The following RARB variants were observed in gnomAD, a reference collection of about 807,000 sequenced individuals.
The protein encoded by RARB is retinoic acid receptor beta, also known as HBV-activated protein.
RARB carries 17 observed loss-of-function variants against 51.9 expected under a neutral mutation model. The ratio of observed to expected loss-of-function variants is 0.33; its 90% CI spans 0.22 to 0.49. The LOEUF is 0.49. Ranked by LOEUF, RARB falls within the 20% of genes least tolerant of loss-of-function variation. RARB has a pLI of 0.99. For synonymous variants in RARB, 215 were observed against 195.4 expected (o/e 1.10, Z -0.84); for missense variants, 369 against 550.8 (o/e 0.67, Z 3.30).
intron 4 of RARB, among the ~76,000 whole-genome samples, chr3:25,134,545 T>C (rs993897376): frequency 3.9e-5 from 6 of 152,002 alleles, no homozygotes; most frequent in African/African-American, 1.4e-4. Context: ...TGGTACATAG[T>C]AATCATTCAA....
intron 3 of RARB, among the ~76,000 whole-genome samples, chr3:25,096,078 A>G (rs149701001): frequency 6.6e-6 from 1 of 152,258 alleles, no homozygotes; most frequent in Non-Finnish European, 1.5e-5. Flanking sequence ...ATTTTTTTCA[A>G]CATTATAATT....
intron 2 of RARB, among the ~76,000 whole-genome samples, chr3:24,899,860 C>A (rs779512981): frequency 3.3e-5 from 5 of 152,222 alleles, no homozygotes; most frequent in East Asian, 3.9e-4. Context: ...TATTTTGTTA[C>A]ATTTAACTTC....
At chr3:24,924,815 C>G (rs1358557187) in intron 2 of RARB, among the ~76,000 whole-genome samples, 2 of 152,150 alleles carry the variant, frequency 1.3e-5, no homozygotes, top group Non-Finnish European at 2.9e-5. Context: ...AGACAAGTAT[C>G]TTAACCTCTT....
chr3:25,049,041 C>T (rs946125820), intron 2 of RARB, among the ~76,000 whole-genome samples: 16 of 152,100 alleles, frequency 1.1e-4, no homozygotes, highest in South Asian at 8.3e-4. Context: ...CGTGAGCCAC[C>T]GCGCCCAGCT....
At chr3:25,366,338 GC>G (rs1292185025) in intron 5 of RARB, among the ~76,000 whole-genome samples, 4 of 152,214 alleles carry the variant, frequency 2.6e-5, no homozygotes, top group Non-Finnish European at 5.9e-5. Flanking sequence ...AGAATATGAT[GC>G]TTTGCCTTCT....
chr3:25,172,189 A>G (rs924916283), intron 4 of RARB, among the ~76,000 whole-genome samples: 3 of 152,208 alleles, frequency 2.0e-5, no homozygotes, highest in Non-Finnish European at 4.4e-5. Context: ...CCTGGGGCAG[A>G]TGTCATCTAA....
intron 2 of RARB, among the ~76,000 whole-genome samples, chr3:24,996,998 C>T (rs1359268227): frequency 6.6e-6 from 1 of 151,766 alleles, no homozygotes; most frequent in Non-Finnish European, 1.5e-5. Context: ...AGTTTAAATC[C>T]AATGTTTCTT....
At chr3:25,429,900 G>C (rs75800125) in intron 1 of RARB, among the ~76,000 whole-genome samples, 1,852 of 152,284 alleles carry the variant, frequency 0.012, 39 homozygotes, top group African/African-American at 0.042. Context: ...CAATTCATTG[G>C]AGCATTAGCC....
chr3:25,338,519 C>T (rs990102565), intron 5 of RARB, among the ~76,000 whole-genome samples: 5 of 152,140 alleles, frequency 3.3e-5, no homozygotes, highest in Admixed American at 2.6e-4. Flanking sequence ...TGGCTGGAAT[C>T]ATTTACACTC....
chr3:24,849,064 A>C (rs1328228233), intron 1 of RARB, among the ~76,000 whole-genome samples: 1 of 152,186 alleles, frequency 6.6e-6, no homozygotes, highest in Admixed American at 6.5e-5. Context: ...CAAGGCCCCC[A>C]GTGGATGCCT....
chr3:25,352,565 G>A (rs1294654211), intron 5 of RARB, among the ~76,000 whole-genome samples: 1 of 152,154 alleles, frequency 6.6e-6, no homozygotes, highest in Non-Finnish European at 1.5e-5. Context: ...GCCCCAATTT[G>A]TAAGAAACTT....
At chr3:24,846,631 C>T (rs1223539750) in intron 1 of RARB, among the ~76,000 whole-genome samples, 1 of 152,136 alleles carries the variant, frequency 6.6e-6, no homozygotes, top group Non-Finnish European at 1.5e-5. Flanking sequence ...CTGCCTAGTA[C>T]ACAGGCTGCT....
At chr3:24,880,065 C>T (rs905195354) in intron 2 of RARB, among the ~76,000 whole-genome samples, 1 of 152,032 alleles carries the variant, frequency 6.6e-6, no homozygotes, top group Non-Finnish European at 1.5e-5. Flanking sequence ...GTTTTTGATA[C>T]ATTTTTTCCT....
intron 3 of RARB, among the ~76,000 whole-genome samples, chr3:25,074,136 G>C (rs1049974662): frequency 2.0e-5 from 3 of 152,190 alleles, no homozygotes; most frequent in Admixed American, 6.5e-5. Flanking sequence ...TCAAATTAAA[G>C]TGTATGTTTT....
intron 4 of RARB, among the ~76,000 whole-genome samples, chr3:25,576,699 T>C (rs1700949815): frequency 6.6e-6 from 1 of 152,136 alleles, no homozygotes; most frequent in Non-Finnish European, 1.5e-5. Context: ...CTACCTGCCC[T>C]CTCCCATTGC....
At chr3:24,849,217 A>C (rs1702523877) in intron 1 of RARB, among the ~76,000 whole-genome samples, 1 of 152,248 alleles carries the variant, frequency 6.6e-6, no homozygotes, top group Non-Finnish European at 1.5e-5. Flanking sequence ...CTGTAAAAAA[A>C]AGTAAAGTAA....
intron 4 of RARB, among the ~76,000 whole-genome samples, chr3:25,573,647 C>T (rs1700802239): frequency 6.6e-6 from 1 of 152,218 alleles, no homozygotes; most frequent in African/African-American, 2.4e-5. Context: ...GCAGCCATAA[C>T]ACATTCTCTG....
intron 1 of RARB, among the ~76,000 whole-genome samples, chr3:24,836,780 G>A (rs1164683815): frequency 1.3e-5 from 2 of 152,218 alleles, no homozygotes; most frequent in Non-Finnish European, 2.9e-5. Context: ...CCGTTTTAAT[G>A]AAGATACTTT....
At chr3:24,989,191 G>C (rs1361502624) in intron 2 of RARB, among the ~76,000 whole-genome samples, 2 of 152,130 alleles carry the variant, frequency 1.3e-5, no homozygotes, top group African/African-American at 2.4e-5. Flanking sequence ...TATATACGTG[G>C]TACTACCATG....
Sources: gnomAD v4.1 joint callset for allele counts (sites outside exome capture counted in the v4.1 genomes callset) on GRCh38, gnomAD v4.1.1 for gene constraint, MANE v1.5 for transcripts, NCBI Gene and HGNC (gene_info 2026-07-23, HGNC 2026-07-21) for gene names.